Variants in ATF7 observed in about 807,000 individuals in gnomAD.
The protein encoded by ATF7 is activating transcription factor 7.
A neutral mutation model predicts 50.4 loss-of-function variants in ATF7; 10 were observed. That is an observed-to-expected ratio of 0.20 (90% CI 0.12 to 0.34). ATF7 has a LOEUF of 0.34. Among genes scored for constraint, ATF7 ranks in the 10% least tolerant of loss-of-function variants. ATF7 has a pLI of 1.00. For synonymous variants in ATF7, 201 were observed against 226.4 expected, an observed-to-expected ratio of 0.89 and a Z score of 1.01; for missense variants, 465 against 613.9, an observed-to-expected ratio of 0.76 and a Z score of 2.56.
At position 53,527,850 on chromosome 12, in the gene ATF7, A is replaced by AT. The variant is rs1041683014; in HGVS notation, c.928-3090dup. On this transcript the variant is annotated intron_variant, in intron 9 of 11. Coordinates refer to ENST00000420353, the MANE Select transcript of ATF7 (RefSeq NM_006856.3). ...CATTAATATAGATAATTAAGAAATGATTTTTTTTTGAGATGGAGTCTTGCT... is the reference window on the plus strand; with the variant it reads ...CATTAATATAGATAATTAAGAAATGATTTTTTTTTTGAGATGGAGTCTTGCT... Among the ~76,000 whole-genome samples the AT allele has an allele frequency of 7.3e-5, 11 of 150,218 alleles. No individual in the cohort carries two copies. In the South Asian group the frequency reaches 8.6e-4, roughly 12 times the overall value.
At chr12:53,587,820 C>CATATATATATATATATATGTATAT (rs1555222101) in intron 2 of ATF7, among the ~76,000 whole-genome samples, 1 of 67,032 alleles carries the variant, frequency 1.5e-5, no homozygotes, top group African/African-American at 4.2e-5. Context: ...TATACTTCTA[C>CATATATATATATATATATGTATAT]ATATATATAT....
intron 11 of ATF7, among the ~76,000 whole-genome samples, chr12:53,521,870 A>G (rs1938147087): frequency 6.6e-6 from 1 of 152,244 alleles, no homozygotes; most frequent in Non-Finnish European, 1.5e-5. Flanking sequence ...AGTACATATT[A>G]AAATTAAAAT....
chr12:53,538,642 T>C (rs569599672), intron 4 of ATF7, among the ~76,000 whole-genome samples: 3 of 152,268 alleles, frequency 2.0e-5, no homozygotes, highest in African/African-American at 7.2e-5. Flanking sequence ...AGGGTTGGCA[T>C]TGCAGTTCAG....
intron 2 of ATF7, among the ~76,000 whole-genome samples, chr12:53,582,703 G>C (rs549119478): frequency 6.6e-6 from 1 of 151,968 alleles, no homozygotes; most frequent in African/African-American, 2.4e-5. Context: ...CTCAGCCTCC[G>C]GAGTAGCTGG....
At chr12:53,563,176 A>G (rs533892063) in intron 2 of ATF7, among the ~76,000 whole-genome samples, 1 of 152,340 alleles carries the variant, frequency 6.6e-6, no homozygotes, top group African/African-American at 2.4e-5. Context: ...CTGAAATCCA[A>G]TAGCTTTTTG....
intron 1 of ATF7, among the ~76,000 whole-genome samples, chr12:53,610,679 T>C (rs1565598493): frequency 6.6e-6 from 1 of 152,072 alleles, no homozygotes; most frequent in Non-Finnish European, 1.5e-5. Context: ...GCGTAACAGG[T>C]ACTGTTATAT....
At chr12:53,588,214 T>C (rs1942805257) in intron 2 of ATF7, among the ~76,000 whole-genome samples, 2 of 152,312 alleles carry the variant, frequency 1.3e-5, no homozygotes, top group Non-Finnish European at 2.9e-5. Flanking sequence ...TACATAGCCA[T>C]ATATTTTCAC....
At chr12:53,553,567 G>C (rs574406423) in intron 2 of ATF7, among the ~76,000 whole-genome samples, 1 of 152,116 alleles carries the variant, frequency 6.6e-6, no homozygotes, top group Non-Finnish European at 1.5e-5. Context: ...CTTCTTAAAA[G>C]GGGGAGAGTG....
At chr12:53,552,673 A>G (rs780874453) in intron 2 of ATF7, 36 bp from the exon 3 acceptor site, 73 of 1,541,270 alleles carry the variant, frequency 4.7e-5, no homozygotes, top group Non-Finnish European at 6.0e-5. Context: ...TGAAAAAACA[A>G]AAACAAAAAC....
chr12:53,524,005 G>C lies in ATF7; in HGVS notation c.1125+559C>G, dbSNP rs1397132068. Reference sequence around the variant, plus strand: ...ATACTGAATGTATCTACAGGAAAGAGAACGGGACTAGAAAAGGCAGATTAA... The same window carrying C: ...ATACTGAATGTATCTACAGGAAAGACAACGGGACTAGAAAAGGCAGATTAA... On this transcript the variant is annotated intron_variant, in intron 10 of 11. Transcript: ENST00000420353. The surrounding 1 kb of genome is among the most constrained non-coding windows in gnomAD (Gnocchi z 4.6). Among the ~76,000 whole-genome samples the C allele has an allele frequency of 7.2e-5, 11 of 152,180 alleles. No individual in the cohort carries two copies. The highest frequency in any genetic ancestry group is 1.5e-4 in the Non-Finnish European group (10 of 68,020).
In ATF7 at chr12:53,594,575, G is replaced by A. The variant is rs557574593; in HGVS notation, c.48+6378C>T. On this transcript the variant is annotated intron_variant, in intron 2 of 11. Transcript: ENST00000420353. ...AACTTGAGTTTAATTCCTGCTCTTA[G>A]CATGTCTACATTTTAAAAATTCCAG... 1.6e-4 allele frequency among the ~76,000 whole-genome samples: 25 copies of A among 152,282 alleles called. No homozygotes were observed. The East Asian group carries it at 4.8e-3, about 29-fold the overall frequency.
intron 2 of ATF7, among the ~76,000 whole-genome samples, chr12:53,598,923 G>C (rs939879720): frequency 8.5e-5 from 13 of 152,160 alleles, no homozygotes; most frequent in Non-Finnish European, 4.4e-5. Context: ...CACCAAAAAT[G>C]CCTATTTTTC....
intron 2 of ATF7, among the ~76,000 whole-genome samples, chr12:53,553,449 A>AT (rs1424665062): frequency 6.6e-6 from 1 of 152,082 alleles, no homozygotes; most frequent in African/African-American, 2.4e-5. Flanking sequence ...TAGAGATTTT[A>AT]TTTTTTTGGG....
intron 1 of ATF7, among the ~76,000 whole-genome samples, chr12:53,608,218 C>CAA (rs71444811): frequency 1.3e-4 from 12 of 89,010 alleles, no homozygotes; most frequent in African/African-American, 4.3e-4. Flanking sequence ...GACTCTGTCT[C>CAA]AAAAAAAAAA....
intron 5 of ATF7, among the ~76,000 whole-genome samples, chr12:53,535,328 C>CAAAAAAAAAAAAAAAAAAAAAAAAAAA (rs397938442): frequency 1.5e-5 from 1 of 64,964 alleles, no homozygotes; most frequent in East Asian, 4.8e-4. Flanking sequence ...GACTCTGCCT[C>CAAAAAAAAAAAAAAAAAAAAAAAAAAA]AAAAAAAAAA....
rs144586677 is a variant in ATF7 at position 53,591,923 on chromosome 12, T to G, written c.48+9030A>C. On this transcript the variant is annotated intron_variant, in intron 2 of 11. Coordinates refer to ENST00000420353, the MANE Select transcript of ATF7 (RefSeq NM_006856.3). ...TTTCCCCGCACAGCCACTCAAGTTT[T>G]TCAAAGGCAAAAAGGAACAACTCTT... 4.6e-5 allele frequency among the ~76,000 whole-genome samples: 7 copies of G among 152,202 alleles called. No individual in the cohort carries two copies. The East Asian group carries it at 1.3e-3, about 29-fold the overall frequency.
intron 2 of ATF7, among the ~76,000 whole-genome samples, chr12:53,573,596 G>C (rs544487334): frequency 6.6e-6 from 1 of 152,110 alleles, no homozygotes; most frequent in African/African-American, 2.4e-5. Context: ...TGGATACAGA[G>C]GGCTGACTGT....
rs1592781269 is a variant in ATF7, at chr12:53,524,710, C to T, written c.979G>A (p.Val327Ile). Residue 327 changes from valine (V) to isoleucine (I), a missense_variant, in exon 10 of 12, where the codon GTA (valine) becomes ATA (isoleucine). Val to Ile is a conservative substitution (Grantham distance 29). Coordinates refer to ENST00000420353, the MANE Select transcript of ATF7 (RefSeq NM_006856.3). The surrounding 1 kb of genome is among the most constrained non-coding windows in gnomAD (Gnocchi z 4.6). Reference sequence around the variant, plus strand: ...CGTCGCTCATCTGGATCTTCATCTACTGTGCGCCGCCGTCGCCCCCCAGTA... The same window carrying T: ...CGTCGCTCATCTGGATCTTCATCTATTGTGCGCCGCCGTCGCCCCCCAGTA... ...PSTGGRRRRTVDEDPDERRQR... is the reference protein window; with the variant it reads ...PSTGGRRRRTIDEDPDERRQR... 8 of 1,612,970 alleles carry T rather than the reference C, an allele frequency of 5.0e-6. No individual in the cohort carries two copies. In the East Asian group the frequency reaches 1.8e-4, roughly 36 times the overall value.
In ATF7 at chr12:53,565,037, C is replaced by A. The variant is rs573786049; in HGVS notation, c.49-12400G>T. On this transcript the variant is annotated intron_variant, in intron 2 of 11. Coordinates refer to ENST00000420353, the MANE Select transcript of ATF7 (RefSeq NM_006856.3). ...ACAGACCAATGGTATAACTATTCCT[C>A]TAAGTACCTAAGTTTTAAGCCCTCA... Among the ~76,000 whole-genome samples, 16 of 152,276 alleles carry A rather than the reference C, an allele frequency of 1.1e-4. No individual in the cohort carries two copies. In the South Asian group the frequency reaches 3.3e-3, roughly 32 times the overall value.
Sources: allele counts gnomAD v4.1 joint callset (sites outside exome capture counted in the v4.1 genomes callset), GRCh38; gene constraint gnomAD v4.1.1; non-coding constraint Gnocchi (gnomAD v3.1); transcripts MANE v1.5; gene names NCBI Gene and HGNC (gene_info 2026-07-23, HGNC 2026-07-21).